The following MAPK8IP3 variants were observed in gnomAD, a reference collection of about 807,000 sequenced individuals.
MAPK8IP3 encodes mitogen-activated protein kinase 8 interacting protein 3.
A neutral mutation model predicts 157.8 loss-of-function variants in MAPK8IP3; 49 were observed. That is an observed-to-expected ratio of 0.31 (90% CI 0.25 to 0.39). MAPK8IP3 has a LOEUF of 0.39. MAPK8IP3 is among the 10% of genes least tolerant of loss of function. The probability of loss-of-function intolerance (pLI) is 1.00; values close to 1 mark genes in which losing one functional copy is unlikely to be tolerated. For missense variants in MAPK8IP3, 1,478 were observed against 1,889.4 expected (o/e 0.78, Z 4.04); for synonymous variants, 897 against 777.7 (o/e 1.15, Z -2.55).
At position 1,756,038 on chromosome 16, in the gene MAPK8IP3, G is replaced by A. The variant is rs186790002; in HGVS notation, c.1217-2110G>A. On this transcript the variant is annotated intron_variant, in intron 8 of 31. Coordinates refer to ENST00000610761, the MANE Select transcript of MAPK8IP3 (RefSeq NM_001318852.2). ...AGGTGCTGCCCTACGTGCCAGCCAGGGGTGATGGGTGCAGCCCCACCGAGC... is the reference window on the plus strand; with the variant it reads ...AGGTGCTGCCCTACGTGCCAGCCAGAGGTGATGGGTGCAGCCCCACCGAGC... 5.3e-5 allele frequency among the ~76,000 whole-genome samples: 8 copies of A among 152,276 alleles called. No individual in the cohort carries two copies. The East Asian group carries it at 1.2e-3, about 22-fold the overall frequency.
rs750412539 is a variant in MAPK8IP3 at position 1,729,141 on chromosome 16, C to T, written c.443C>T (p.Ser148Phe). The change falls in exon 3 of 32, where the codon TCC (serine) becomes TTC (phenylalanine). Residue 148 changes from serine (S) to phenylalanine (F), a missense_variant. By Grantham distance (155) the Ser-to-Phe change is radical (BLOSUM62 -2). Around this residue, in one of 11 missense-constraint regions of MAPK8IP3, gnomAD observed 315 missense variants for 394.4 expected, o/e 0.80. Coordinates refer to ENST00000610761, the MANE Select transcript of MAPK8IP3 (RefSeq NM_001318852.2). ...LKAKNYADQISRLEERESEMK... is the reference protein window; with the variant it reads ...LKAKNYADQIFRLEERESEMK... ...AGACAGTGATTGTGTTTTCCAGTTT[C>T]CCGGTTGGAGGAGCGGGAGTCGGAG... The T allele has an allele frequency of 1.2e-6, 2 of 1,614,054 alleles. No homozygotes were observed. The highest frequency in any genetic ancestry group is 1.7e-5 in the Admixed American group (1 of 60,026).
intron 8 of MAPK8IP3, among the ~76,000 whole-genome samples, chr16:1,753,075 G>A (rs2141885016): frequency 6.6e-6 from 1 of 152,332 alleles, no homozygotes; most frequent in African/African-American, 2.4e-5. Context: ...CGTCAGCTTT[G>A]CACGTGACGG....
chr16:1,739,567 CGT>C (rs565602320), intron 4 of MAPK8IP3, among the ~76,000 whole-genome samples: 26 of 84,620 alleles, frequency 3.1e-4, no homozygotes, highest in Admixed American at 4.3e-4. Flanking sequence ...TGTGACCGTT[CGT>C]GTGTGTGTGA....
intron 13 of MAPK8IP3, 62 bp downstream of exon 13, chr16:1,761,367 C>T (rs1309814499): frequency 8.9e-6 from 13 of 1,464,118 alleles, no homozygotes; most frequent in South Asian, 3.4e-5. Context: ...ACAGGCGGGG[C>T]GGCCACCGTT....
chr16:1,729,600 G>A lies in MAPK8IP3; in HGVS notation c.602+22G>A, dbSNP rs781730178. Reference sequence around the variant, plus strand: ...GGAGGTACGCGGGGCGCGGCGGGGTGGAGGTACGCGGGGCGCGGCGGGGCG... The same window carrying A: ...GGAGGTACGCGGGGCGCGGCGGGGTAGAGGTACGCGGGGCGCGGCGGGGCG... On this transcript the variant is annotated intron_variant, in intron 4 of 31. Coordinates refer to ENST00000610761, the MANE Select transcript of MAPK8IP3 (RefSeq NM_001318852.2). 3.2e-6 allele frequency: 5 copies of A among 1,571,552 alleles called. No individual in the cohort carries two copies. In the South Asian group the frequency reaches 4.6e-5, roughly 14 times the overall value.
Position 1,758,958 on chromosome 16 carries a change from G to C in MAPK8IP3, c.1229-20G>C. 6.2e-7 allele frequency: 1 copy of C among 1,614,126 alleles called. No homozygotes were observed. The highest frequency in any genetic ancestry group is 8.5e-7 in the Non-Finnish European group (1 of 1,179,978). On this transcript the variant is annotated intron_variant, in intron 9 of 31. Coordinates refer to ENST00000610761, the MANE Select transcript of MAPK8IP3 (RefSeq NM_001318852.2). ...CCGCCCTGGTTGCCCATCTCCTGTG[G>C]GACGGGGACGGCTCCCTAGTGCGCG...
chr16:1,744,130 C>T, intron 5 of MAPK8IP3: 1 of 985,682 alleles, frequency 1.0e-6, no homozygotes, highest in Non-Finnish European at 1.2e-6. Context: ...GCCACTCCTT[C>T]AGGGCCCCAG....
Position 1,766,074 on chromosome 16 carries a change from C to G in MAPK8IP3, c.2561C>G (p.Thr854Ser), listed in dbSNP as rs1252443616. The change falls in exon 21 of 32, where the codon ACC (threonine) becomes AGC (serine). Residue 854 changes from threonine to serine, a missense_variant. Thr to Ser is a moderately conservative substitution (Grantham distance 58). This residue lies in a region of MAPK8IP3 where 669 missense variants were observed against 759.8 expected (regional missense o/e 0.88). Transcript: ENST00000610761. ...GGTATCACCCTGGTGGGCTGTGCCA[C>G]CCGCTGCAACGTGCCGCGGAGCAAC... is the stretch of plus-strand genomic sequence containing the variant. ...LAGITLVGCA[T>S]RCNVPRSNCS... 1.2e-6 allele frequency: 2 copies of G among 1,612,820 alleles called. No individual in the cohort carries two copies. Among genetic ancestry groups the G allele is most frequent in the Admixed American group, 1.7e-5 (1 of 60,002 alleles).
At chr16:1,756,191 T>C (rs987652333) in intron 8 of MAPK8IP3, among the ~76,000 whole-genome samples, 1 of 151,942 alleles carries the variant, frequency 6.6e-6, no homozygotes, top group African/African-American at 2.4e-5. Flanking sequence ...GGGGAGCGGG[T>C]ACAGTGACAG....
At chr16:1,757,313 C>T (rs1464192018) in intron 8 of MAPK8IP3, among the ~76,000 whole-genome samples, 1 of 152,152 alleles carries the variant, frequency 6.6e-6, no homozygotes, top group East Asian at 1.9e-4. Context: ...ACCGCATTAG[C>T]CAGGATGGTC....
chr16:1,730,166 G>C (rs1310185458), intron 4 of MAPK8IP3, among the ~76,000 whole-genome samples: 3 of 151,896 alleles, frequency 2.0e-5, no homozygotes, highest in Non-Finnish European at 2.9e-5. Context: ...GAGGCTGAGA[G>C]AGGAGGATAG....
intron 4 of MAPK8IP3, among the ~76,000 whole-genome samples, chr16:1,735,760 CGTGTGACCGTCCATGTGAGA>C (rs1424827429): frequency 7.1e-5 from 9 of 126,514 alleles, no homozygotes; most frequent in African/African-American, 1.6e-4. Context: ...TGTGAGCATC[CGTGTGACCGTCCATGTGAGA>C]GTGTGACCGT....
chr16:1,753,526 C>T (rs539342019), intron 8 of MAPK8IP3, among the ~76,000 whole-genome samples: 21 of 151,940 alleles, frequency 1.4e-4, no homozygotes, highest in Non-Finnish European at 2.2e-4. Context: ...CTGCAAGCTC[C>T]GCCTCCTGGG....
rs190675535 is a variant in MAPK8IP3 at position 1,741,269 on chromosome 16, G to A, written c.603-2063G>A. 5.3e-5 allele frequency among the ~76,000 whole-genome samples: 8 copies of A among 152,334 alleles called. No homozygotes were observed. The highest frequency in any genetic ancestry group is 1.0e-4 in the Non-Finnish European group (7 of 68,028). ...CCTGAGGGAGCTGCGAGGACAAATC[G>A]GGAGGACGGGGTCAGTCGGCAAACG... On this transcript the variant is annotated intron_variant, in intron 4 of 31. Coordinates refer to ENST00000610761, the MANE Select transcript of MAPK8IP3 (RefSeq NM_001318852.2). This position sits in a 1 kb window ranked among gnomAD's most constrained non-coding sequence, Gnocchi z 6.9.
At chr16:1,731,315 G>A (rs1258376716) in intron 4 of MAPK8IP3, among the ~76,000 whole-genome samples, 1 of 152,190 alleles carries the variant, frequency 6.6e-6, no homozygotes, top group Non-Finnish European at 1.5e-5. Flanking sequence ...GTGGTAGAGT[G>A]AGAGCCTGTC....
rs1487272837 is a variant in MAPK8IP3, at chr16:1,766,275, G to C, written c.2685G>C (p.Glu895Asp). ...GKVNPSQSTE[E>D]ATEATEVPDP... Reference sequence around the variant, plus strand: ...TCAACCCGTCCCAGTCCACAGAGGAGGCCACAGAGGCCACGGAGGTGCCAG... The same window carrying C: ...TCAACCCGTCCCAGTCCACAGAGGACGCCACAGAGGCCACGGAGGTGCCAG... Residue 895 changes from glutamate to aspartate, a missense_variant, in exon 22 of 32, where the codon GAG becomes GAC. By Grantham distance (45) the Glu-to-Asp change is conservative. This residue lies in a region of MAPK8IP3 where 669 missense variants were observed against 759.8 expected (regional missense o/e 0.88). Coordinates refer to ENST00000610761, the MANE Select transcript of MAPK8IP3 (RefSeq NM_001318852.2). The C allele has an allele frequency of 6.2e-7, 1 of 1,612,482 alleles. No individual in the cohort carries two copies. Among genetic ancestry groups the C allele is most frequent in the Non-Finnish European group, 8.5e-7 (1 of 1,179,952 alleles).
intron 1 of MAPK8IP3, among the ~76,000 whole-genome samples, chr16:1,719,668 C>CAAAAA (rs58680997): frequency 1.2e-4 from 6 of 51,108 alleles, no homozygotes; most frequent in Non-Finnish European, 1.8e-4. Context: ...CCCATCTCTA[C>CAAAAA]AAAAAAAAAA....
rs67816797 is a variant in MAPK8IP3 at position 1,707,000 on chromosome 16, T to C, written c.318+343T>C. ...TGAATCTTCAGCCCCAAACCCGATGTGCCTGGCGTCATCCCCGGGGAGCTC... is the reference window on the plus strand; with the variant it reads ...TGAATCTTCAGCCCCAAACCCGATGCGCCTGGCGTCATCCCCGGGGAGCTC... On this transcript the variant is annotated intron_variant, in intron 1 of 31. Transcript: ENST00000610761. The surrounding 1 kb of genome is among the most constrained non-coding windows in gnomAD (Gnocchi z 5.1). Among the ~76,000 whole-genome samples the C allele has an allele frequency of 0.085, 12,750 of 150,492 alleles. 612 individuals are homozygous for C. The highest frequency in any genetic ancestry group is 0.12 in the African/African-American group (4,837 of 40,802).
At chr16:1,729,705 ACT>A in intron 4 of MAPK8IP3, 127 bp downstream of exon 4, 2 of 877,188 alleles carry the variant, frequency 2.3e-6, no homozygotes, top group East Asian at 2.8e-5. Flanking sequence ...GACAGGGAAC[ACT>A]CTGGAGACCC....
Sources: allele counts gnomAD v4.1 joint callset (sites outside exome capture counted in the v4.1 genomes callset), GRCh38; gene constraint gnomAD v4.1.1; regional missense constraint gnomAD v4.1.1; non-coding constraint Gnocchi (gnomAD v3.1); transcripts MANE v1.5; gene names NCBI Gene and HGNC (gene_info 2026-07-23, HGNC 2026-07-21).